Variants in ANK3 observed in about 807,000 individuals in gnomAD.
ANK3 encodes ankyrin-3.
Under a neutral mutation model 370.9 loss-of-function variants are expected in ANK3, and 57 were observed. The ratio of observed to expected loss-of-function variants is 0.15; its 90% CI spans 0.12 to 0.19. The LOEUF (loss-of-function observed/expected upper bound fraction) is 0.19, where lower values mean the gene tolerates loss of function less well. Ranked by LOEUF, ANK3 falls within the 10% of genes least tolerant of loss-of-function variation. The pLI is 1.00. For missense variants in ANK3, 4,439 were observed against 5,302.1 expected (o/e 0.84, Z 5.06); for synonymous variants, 1,929 against 1,946.3 (o/e 0.99, Z 0.23).
intron 2 of ANK3, among the ~76,000 whole-genome samples, chr10:60,509,516 T>C (rs1298211909): frequency 2.0e-5 from 3 of 152,122 alleles, no homozygotes; most frequent in African/African-American, 7.2e-5. Context: ...TCATATAATG[T>C]CTGTATTTTG....
At chr10:60,154,436 T>C (rs1002946083) in intron 23 of ANK3, among the ~76,000 whole-genome samples, 9 of 152,326 alleles carry the variant, frequency 5.9e-5, no homozygotes, top group East Asian at 1.9e-4. Flanking sequence ...TCTTCAGATC[T>C]ACCTTCACAT....
At chr10:60,587,804 C>T (rs1367638998) in intron 2 of ANK3, among the ~76,000 whole-genome samples, 5 of 152,146 alleles carry the variant, frequency 3.3e-5, no homozygotes, top group Non-Finnish European at 7.4e-5. Flanking sequence ...ACTTTAGAAA[C>T]TGTACCTCAA....
chr10:60,179,997 GTCTC>G (rs745311675), intron 18 of ANK3, among the ~76,000 whole-genome samples: 16 of 150,382 alleles, frequency 1.1e-4, no homozygotes, highest in African/African-American at 3.5e-4. Flanking sequence ...GTTTAAGTCT[GTCTC>G]TCTCTCTCTC....
Position 60,224,501 on chromosome 10 carries a change from C to T in ANK3, c.897+10187G>A, listed in dbSNP as rs1213154031. ...AAAAGCATGAAGCAGGATGTTAAGG[C>T]ATCACACCTAGGACTATGAAACCAG... On this transcript the variant is annotated intron_variant, in intron 8 of 43. Transcript: ENST00000280772. Among the ~76,000 whole-genome samples the T allele has an allele frequency of 2.0e-5, 3 of 152,108 alleles. No homozygotes were observed. In the East Asian group the frequency reaches 5.8e-4, roughly 29 times the overall value.
chr10:60,054,852 T>A (rs1269257432), intron 42 of ANK3, among the ~76,000 whole-genome samples: 1 of 152,116 alleles, frequency 6.6e-6, no homozygotes, highest in Non-Finnish European at 1.5e-5. Context: ...ATTGGGAGAG[T>A]AAAAAGCAGT....
intron 2 of ANK3, among the ~76,000 whole-genome samples, chr10:60,462,448 G>C (rs943452697): frequency 6.6e-6 from 1 of 152,088 alleles, no homozygotes; most frequent in Non-Finnish European, 1.5e-5. Context: ...TTTATATTAA[G>C]AGTTTAAGTA....
chr10:60,521,054 T>TA (rs1179772168), intron 2 of ANK3, among the ~76,000 whole-genome samples: 1 of 152,064 alleles, frequency 6.6e-6, no homozygotes, highest in Non-Finnish European at 1.5e-5. Context: ...TAAAAGTAGT[T>TA]AGAGTTGTCA....
At chr10:60,691,626 C>T (rs1365345728) in intron 1 of ANK3, among the ~76,000 whole-genome samples, 1 of 152,102 alleles carries the variant, frequency 6.6e-6, no homozygotes, top group East Asian at 1.9e-4. Flanking sequence ...GGTGAGATGA[C>T]CTTTTTCCCA....
chr10:60,515,607 T>C (rs776280063), intron 2 of ANK3, among the ~76,000 whole-genome samples: 24 of 152,164 alleles, frequency 1.6e-4, no homozygotes, highest in South Asian at 2.1e-4. Flanking sequence ...TTGTATATTA[T>C]AGTAGTTAAC....
At chr10:60,442,388 G>A (rs754411881) in intron 2 of ANK3, among the ~76,000 whole-genome samples, 5 of 152,014 alleles carry the variant, frequency 3.3e-5, no homozygotes, top group Non-Finnish European at 7.4e-5. Flanking sequence ...GAGCCACCAC[G>A]CTGGACAATC....
intron 2 of ANK3, among the ~76,000 whole-genome samples, chr10:60,506,557 T>C (rs1467318569): frequency 6.6e-6 from 1 of 152,272 alleles, no homozygotes; most frequent in South Asian, 2.1e-4. Flanking sequence ...TTTGCCAGGA[T>C]TAAAGGCTCT....
chr10:60,525,901 A>AG (rs1241632652), intron 2 of ANK3, among the ~76,000 whole-genome samples: 1 of 152,146 alleles, frequency 6.6e-6, no homozygotes, highest in Non-Finnish European at 1.5e-5. Flanking sequence ...ATTTGCAGAA[A>AG]GGGGAGATGG....
intron 33 of ANK3, 49 bp downstream of exon 33, chr10:60,083,443 G>A (rs756993928): frequency 8.3e-6 from 13 of 1,557,168 alleles, no homozygotes; most frequent in Middle Eastern, 1.8e-4. Flanking sequence ...TATTCTCTAA[G>A]AGTATTTTTT....
intron 2 of ANK3, among the ~76,000 whole-genome samples, chr10:60,612,751 C>G (rs2078218145): frequency 6.6e-6 from 1 of 152,168 alleles, no homozygotes; most frequent in South Asian, 2.1e-4. Flanking sequence ...TTGGCTCACT[C>G]AGTTTTAATC....
chr10:60,493,171 T>G (rs563842919), intron 2 of ANK3, among the ~76,000 whole-genome samples: 29 of 152,046 alleles, frequency 1.9e-4, no homozygotes, highest in African/African-American at 6.7e-4. Context: ...ATTTACATGC[T>G]AAAGAGGTAA....
rs759376333 is a variant in ANK3, at chr10:60,068,716, T to C, written c.12165A>G (p.Arg4055=). ...GQPSVTTKSA[R]DKKTEAAPLK... Reference sequence around the variant, plus strand: ...AAGGTGCTGCCTCTGTTTTCTTATCTCTAGCAGACTTCGTTGTAACCGAAG... The same window carrying C: ...AAGGTGCTGCCTCTGTTTTCTTATCCCTAGCAGACTTCGTTGTAACCGAAG... Residue 4055 remains arginine, a synonymous_variant, in exon 37 of 44, where the codon AGA becomes AGG. Coordinates refer to ENST00000280772, the MANE Select transcript of ANK3 (RefSeq NM_020987.5). 2 of 1,614,170 alleles carry C rather than the reference T, an allele frequency of 1.2e-6. No homozygotes were observed. The highest frequency in any genetic ancestry group is 4.5e-5 in the East Asian group (2 of 44,886).
chr10:60,223,920 T>A (rs1185765807), intron 8 of ANK3, among the ~76,000 whole-genome samples: 1 of 151,918 alleles, frequency 6.6e-6, no homozygotes, highest in Non-Finnish European at 1.5e-5. Flanking sequence ...GGCATATTCA[T>A]TTCCCTAAAA....
chr10:60,081,490 A>T (rs1266501456), intron 35 of ANK3: 1 of 439,814 alleles, frequency 2.3e-6, no homozygotes, highest in East Asian at 7.0e-5. Context: ...AACTTAGAGA[A>T]ACATTAGGAG....
At chr10:60,336,280 A>G (rs2052851693) in intron 1 of ANK3, among the ~76,000 whole-genome samples, 2 of 152,082 alleles carry the variant, frequency 1.3e-5, no homozygotes, top group South Asian at 4.2e-4. Flanking sequence ...GAGAATGTGA[A>G]AACTCTTGAG....
Sources: allele counts gnomAD v4.1 joint callset (sites outside exome capture counted in the v4.1 genomes callset), GRCh38; gene constraint gnomAD v4.1.1; transcripts MANE v1.5; gene names NCBI Gene and HGNC (gene_info 2026-07-23, HGNC 2026-07-21).